Variants in MAML2 observed in about 807,000 individuals in gnomAD.
MAML2 encodes the protein mastermind like transcriptional coactivator 2, also known as mastermind-like protein 2.
Under a neutral mutation model 96.1 loss-of-function variants are expected in MAML2, and 22 were observed. The observed-to-expected ratio is 0.23, with a 90% CI of 0.16 to 0.33. The LOEUF (loss-of-function observed/expected upper bound fraction) is 0.33. MAML2 is among the 10% of genes least tolerant of loss of function. The probability of loss-of-function intolerance (pLI) is 1.00; values close to 1 mark genes in which losing one functional copy is unlikely to be tolerated. For missense variants in MAML2, 1,367 were observed against 1,392.4 expected (o/e 0.98, Z 0.29); for synonymous variants, 561 against 521.3 (o/e 1.08, Z -1.04).
chr11:95,979,669 C>T lies in MAML2; in HGVS notation c.2750G>A (p.Ser917Asn). Residue 917 changes from serine to asparagine, a missense_variant, in exon 5 of 5, where the codon AGT becomes AAT. Transcript: ENST00000524717. ...MMPRPPTLGP[S>N]NNNNVATFGA... ...AAAAGTGGCTACATTGTTATTATTA[C>T]TTGGCCCTAAGGTAGGTGGCCGTGG... 1 of 1,613,932 alleles carries T rather than the reference C, an allele frequency of 6.2e-7. No individual in the cohort carries two copies. Among genetic ancestry groups the T allele is most frequent in the African/African-American group, 1.3e-5 (1 of 75,040 alleles).
intron 4 of MAML2, among the ~76,000 whole-genome samples, chr11:95,980,404 T>G (rs951278534): frequency 1.3e-5 from 2 of 152,056 alleles, no homozygotes; most frequent in African/African-American, 4.8e-5. Flanking sequence ...GGCTCCTAGA[T>G]TAATATTCCC....
chr11:96,331,306 C>G (rs1863851824), intron 1 of MAML2, among the ~76,000 whole-genome samples: 1 of 152,058 alleles, frequency 6.6e-6, no homozygotes, highest in Non-Finnish European at 1.5e-5. Context: ...ACCACAGGCT[C>G]TAAACTCCAT....
rs138566831 is a variant in MAML2, at chr11:96,274,743, T to A, written c.513+66640A>T. ...GAGCTATATAGCTCATATGTCTAACTCTTTTATATCTGGATTAGATGTTTA... is the reference window on the plus strand; with the variant it reads ...GAGCTATATAGCTCATATGTCTAACACTTTTATATCTGGATTAGATGTTTA... On this transcript the variant is annotated intron_variant, in intron 1 of 4. Coordinates refer to ENST00000524717, the MANE Select transcript of MAML2 (RefSeq NM_032427.4). Among the ~76,000 whole-genome samples, 272 of 152,296 alleles carry A rather than the reference T, an allele frequency of 1.8e-3. 4 individuals are homozygous for A. The highest frequency in any genetic ancestry group is 0.016 in the South Asian group (75 of 4,828).
At chr11:96,266,264 G>A (rs536718225) in intron 1 of MAML2, among the ~76,000 whole-genome samples, 11 of 152,112 alleles carry the variant, frequency 7.2e-5, no homozygotes, top group South Asian at 2.1e-4. Context: ...GTATGAGGAC[G>A]GCAGTCTTTG....
intron 1 of MAML2, among the ~76,000 whole-genome samples, chr11:96,153,080 T>A (rs1286507889): frequency 6.6e-6 from 1 of 152,206 alleles, no homozygotes; most frequent in Non-Finnish European, 1.5e-5. Context: ...TTTGGAAATC[T>A]TCTTTTTTCA....
chr11:96,270,824 G>A (rs960920009), intron 1 of MAML2, among the ~76,000 whole-genome samples: 1 of 152,174 alleles, frequency 6.6e-6, no homozygotes, highest in African/African-American at 2.4e-5. Flanking sequence ...GTTCCTGGGT[G>A]TCTGTGAGGG....
chr11:96,031,483 C>T (rs951783799), intron 2 of MAML2, among the ~76,000 whole-genome samples: 5 of 152,116 alleles, frequency 3.3e-5, no homozygotes, highest in Admixed American at 6.5e-5. Flanking sequence ...AGGAGTATTG[C>T]TAATTTCCAG....
chr11:96,065,074 G>C (rs1245493810), intron 2 of MAML2, among the ~76,000 whole-genome samples: 1 of 152,126 alleles, frequency 6.6e-6, no homozygotes, highest in African/African-American at 2.4e-5. Context: ...ACAGAAAATA[G>C]CTTTTCCCCA....
intron 2 of MAML2, among the ~76,000 whole-genome samples, chr11:96,047,552 CCT>C (rs1858921567): frequency 6.6e-6 from 1 of 152,124 alleles, no homozygotes; most frequent in Non-Finnish European, 1.5e-5. Context: ...AGACTGATTA[CCT>C]CTTTCTTCTT....
chr11:96,170,000 T>C (rs1464330131), intron 1 of MAML2, among the ~76,000 whole-genome samples: 1 of 152,252 alleles, frequency 6.6e-6, no homozygotes, highest in Non-Finnish European at 1.5e-5. Flanking sequence ...GCAACATCTC[T>C]GGTTCTGAGT....
intron 1 of MAML2, among the ~76,000 whole-genome samples, chr11:96,275,006 TTC>T (rs1862967528): frequency 6.6e-6 from 1 of 152,180 alleles, no homozygotes; most frequent in Non-Finnish European, 1.5e-5. Context: ...GTTGCACTAA[TTC>T]CATGTTAATG....
chr11:96,219,500 T>G (rs10501846), intron 1 of MAML2, among the ~76,000 whole-genome samples: 17,848 of 152,260 alleles, frequency 0.12, 1,328 homozygotes, highest in Non-Finnish European at 0.17. Context: ...AAAACATAGA[T>G]AGTAGAAGCC....
chr11:96,331,920 TC>T (rs1863859791), intron 1 of MAML2, among the ~76,000 whole-genome samples: 1 of 152,040 alleles, frequency 6.6e-6, no homozygotes, highest in African/African-American at 2.4e-5. Context: ...CAGAATAGTG[TC>T]CTATTTTTAG....
Position 95,991,380 on chromosome 11 carries a change from G to A in MAML2, c.2343+140C>T, listed in dbSNP as rs1452613352. 6.4e-6 allele frequency: 5 copies of A among 780,056 alleles called. No homozygotes were observed. The East Asian group carries it at 1.3e-4, about 20-fold the overall frequency. The allele number at this position is 780,056 out of a possible 1,614,324, so 48.3% of individuals were successfully genotyped here. A position where few individuals can be genotyped will look rare whatever the true frequency, so the allele number is the denominator to read the frequency against. On this transcript the variant is annotated intron_variant, in intron 3 of 4. Coordinates refer to ENST00000524717, the MANE Select transcript of MAML2 (RefSeq NM_032427.4). ...TTTTTCTTCCTGCAGTACACTAAATGTATGGAATTATCCTCTCTTACAGTC... is the reference window on the plus strand; with the variant it reads ...TTTTTCTTCCTGCAGTACACTAAATATATGGAATTATCCTCTCTTACAGTC...
rs1480032407 is a variant in MAML2, at chr11:96,092,853, A to G, written c.1178T>C (p.Met393Thr). 1.2e-6 allele frequency: 2 copies of G among 1,607,732 alleles called. No homozygotes were observed. Among genetic ancestry groups the G allele is most frequent in the Non-Finnish European group, 1.7e-6 (2 of 1,176,532 alleles). Reference sequence around the variant, plus strand: ...CGAAGTGGAGAGGGCAGAGTTGGCCATGGAGAATGCGGGGCCAGCTGATGG... The same window carrying G: ...CGAAGTGGAGAGGGCAGAGTTGGCCGTGGAGAATGCGGGGCCAGCTGATGG... The part of the protein sequence containing the change: ...RPPSAGPAFS[M>T]ANSALSTSSP... The change falls in exon 2 of 5, where the codon ATG becomes ACG. Residue 393 changes from methionine to threonine, a missense_variant. By Grantham distance (81) the Met-to-Thr change is moderately conservative (BLOSUM62 -1). Coordinates refer to ENST00000524717, the MANE Select transcript of MAML2 (RefSeq NM_032427.4). This position sits in a 1 kb window ranked among gnomAD's most constrained non-coding sequence, Gnocchi z 4.1.
chr11:96,315,710 G>C (rs1028144137), intron 1 of MAML2, among the ~76,000 whole-genome samples: 9 of 152,160 alleles, frequency 5.9e-5, no homozygotes, highest in Non-Finnish European at 1.0e-4. Flanking sequence ...ACAGAGAAGA[G>C]AGCAATCTAG....
chr11:96,198,661 T>C (rs944854600), intron 1 of MAML2, among the ~76,000 whole-genome samples: 1 of 152,058 alleles, frequency 6.6e-6, no homozygotes, highest in South Asian at 2.1e-4. Flanking sequence ...AGTCTGTCAC[T>C]GCCCACGGAG....
intron 1 of MAML2, among the ~76,000 whole-genome samples, chr11:96,094,248 G>A (rs542317451): frequency 3.5e-4 from 53 of 152,220 alleles, no homozygotes; most frequent in African/African-American, 9.4e-4. Context: ...ACTAAATCTC[G>A]TTACCAAAAC....
At chr11:96,281,372 A>G (rs1460134190) in intron 1 of MAML2, among the ~76,000 whole-genome samples, 1 of 152,022 alleles carries the variant, frequency 6.6e-6, no homozygotes, top group Non-Finnish European at 1.5e-5. Context: ...CTAGGGGTGA[A>G]TATTTCTGTT....
Sources: allele counts gnomAD v4.1 joint callset (sites outside exome capture counted in the v4.1 genomes callset), GRCh38; gene constraint gnomAD v4.1.1; non-coding constraint Gnocchi (gnomAD v3.1); transcripts MANE v1.5; gene names NCBI Gene and HGNC (gene_info 2026-07-23, HGNC 2026-07-21).